Variants in FYN observed in about 807,000 individuals in gnomAD.
FYN encodes the protein FYN proto-oncogene, Src family tyrosine kinase, also known as tyrosine-protein kinase Fyn.
In FYN, 10 loss-of-function variants were observed where a neutral mutation model predicts 70.2. The ratio of observed to expected loss-of-function variants is 0.14; its 90% CI spans 0.09 to 0.24. FYN has a LOEUF of 0.24. FYN is among the 10% of genes least tolerant of loss of function. The pLI is 1.00. For missense variants in FYN, 319 were observed against 673.1 expected (o/e 0.47, Z 5.82); for synonymous variants, 236 against 248.6 (o/e 0.95, Z 0.48).
chr6:111,673,622 GTTTT>G (rs71021858), intron 13 of FYN, among the ~76,000 whole-genome samples: 8 of 116,556 alleles, frequency 6.9e-5, no homozygotes, highest in African/African-American at 2.2e-4. Context: ...TTCTATCATT[GTTTT>G]TTTTTTTTTT....
At chr6:111,837,532 G>A (rs963769904) in intron 2 of FYN, among the ~76,000 whole-genome samples, 3 of 152,126 alleles carry the variant, frequency 2.0e-5, no homozygotes, top group African/African-American at 7.2e-5. Flanking sequence ...TCCACTCGAC[G>A]TCAAAGTTGG....
chr6:111,787,765 C>T (rs1244122597), intron 2 of FYN, among the ~76,000 whole-genome samples: 1 of 152,152 alleles, frequency 6.6e-6, no homozygotes, highest in Non-Finnish European at 1.5e-5. Flanking sequence ...ATGAGAGGAG[C>T]TACTCTCTCC....
intron 12 of FYN, among the ~76,000 whole-genome samples, chr6:111,684,682 G>A (rs1006072149): frequency 1.3e-5 from 2 of 152,160 alleles, no homozygotes; most frequent in African/African-American, 4.8e-5. Flanking sequence ...CACCCTCCTT[G>A]CAACGGTGAC....
At chr6:111,869,504 C>T (rs1202249962) in intron 1 of FYN, among the ~76,000 whole-genome samples, 3 of 152,234 alleles carry the variant, frequency 2.0e-5, no homozygotes, top group Admixed American at 2.0e-4. Flanking sequence ...GATCCTCCCA[C>T]CTCAGCCTCT....
chr6:111,752,797 C>G (rs947337763), intron 3 of FYN, among the ~76,000 whole-genome samples: 2 of 152,102 alleles, frequency 1.3e-5, no homozygotes, highest in African/African-American at 2.4e-5. Context: ...ACAAAAGCAC[C>G]TGAAAGATGC....
chr6:111,682,225 A>G (rs944287020), intron 12 of FYN, among the ~76,000 whole-genome samples: 14 of 152,204 alleles, frequency 9.2e-5, no homozygotes, highest in Admixed American at 1.3e-4. Context: ...CAGTGGTGTA[A>G]TAAACTAATA....
intron 2 of FYN, among the ~76,000 whole-genome samples, chr6:111,781,746 A>G (rs1488527094): frequency 2.6e-5 from 4 of 152,190 alleles, no homozygotes; most frequent in Non-Finnish European, 4.4e-5. Flanking sequence ...TGATGTTTAC[A>G]AATGCTTGAA....
chr6:111,683,475 G>T (rs1331790022), intron 12 of FYN, among the ~76,000 whole-genome samples: 1 of 152,166 alleles, frequency 6.6e-6, no homozygotes, highest in African/African-American at 2.4e-5. Context: ...TAAAAAACTA[G>T]GCCAAGGTGG....
intron 3 of FYN, among the ~76,000 whole-genome samples, chr6:111,728,971 T>G (rs1474871331): frequency 6.6e-6 from 1 of 152,152 alleles, no homozygotes; most frequent in African/African-American, 2.4e-5. Context: ...GGGAGAATAT[T>G]GCCTTTGGTA....
intron 3 of FYN, among the ~76,000 whole-genome samples, chr6:111,755,121 G>A (rs1802666308): frequency 6.6e-6 from 1 of 152,036 alleles, no homozygotes; most frequent in Non-Finnish European, 1.5e-5. Flanking sequence ...ATACTGGCTG[G>A]ACTAGATGAG....
At position 111,670,669 on chromosome 6, in the gene FYN, A is replaced by T. The variant is rs1171847216; in HGVS notation, c.1405+3830T>A. 2.0e-5 allele frequency among the ~76,000 whole-genome samples: 3 copies of T among 151,216 alleles called. No homozygotes were observed. The East Asian group carries it at 5.8e-4, about 29-fold the overall frequency. On this transcript the variant is annotated intron_variant, in intron 13 of 13. Transcript: ENST00000354650. Reference sequence around the variant, plus strand: ...GTTTTCTAGGATTTATCTGAAAGGCAAAGGGAAGCCGTGGACGTTTTTAAC... The same window carrying T: ...GTTTTCTAGGATTTATCTGAAAGGCTAAGGGAAGCCGTGGACGTTTTTAAC...
chr6:111,767,685 T>G (rs1416735837), intron 3 of FYN, among the ~76,000 whole-genome samples: 4 of 152,198 alleles, frequency 2.6e-5, no homozygotes, highest in Non-Finnish European at 5.9e-5. Flanking sequence ...CAGGCATGGG[T>G]CACCCTGCCT....
At chr6:111,705,767 T>A (rs552208785) in intron 6 of FYN, among the ~76,000 whole-genome samples, 24 of 152,114 alleles carry the variant, frequency 1.6e-4, no homozygotes, top group Non-Finnish European at 3.2e-4. Context: ...GAGAATTGCT[T>A]GAACCAGGGA....
At chr6:111,714,483 A>T (rs1336428782) in intron 4 of FYN, 40 bp from the exon 5 acceptor site, 1 of 1,359,640 alleles carries the variant, frequency 7.4e-7, no homozygotes, top group Non-Finnish European at 1.1e-6. Context: ...ATTATTACAC[A>T]AGGGGAAATT....
At chr6:111,766,769 G>A (rs1437231109) in intron 3 of FYN, among the ~76,000 whole-genome samples, 5 of 152,116 alleles carry the variant, frequency 3.3e-5, no homozygotes, top group South Asian at 4.1e-4. Flanking sequence ...ACAGCAGCAC[G>A]GGGGTAACTG....
chr6:111,751,198 C>T (rs938880727), intron 3 of FYN, among the ~76,000 whole-genome samples: 3 of 152,168 alleles, frequency 2.0e-5, no homozygotes, highest in African/African-American at 7.2e-5. Context: ...ACATAACACG[C>T]ATTAGTCCAT....
At chr6:111,763,882 T>C (rs1238464378) in intron 3 of FYN, among the ~76,000 whole-genome samples, 2 of 152,144 alleles carry the variant, frequency 1.3e-5, no homozygotes, top group African/African-American at 2.4e-5. Context: ...TGGGTAACAA[T>C]GCCTATGGGT....
chr6:111,719,683 G>T, intron 4 of FYN, 122 bp downstream of exon 4: 2 of 1,116,896 alleles, frequency 1.8e-6, no homozygotes, highest in Non-Finnish European at 2.6e-6. Flanking sequence ...AGAGGAGACA[G>T]ATTAGAAACT....
chr6:111,856,534 A>T (rs979563951), intron 1 of FYN, among the ~76,000 whole-genome samples: 4 of 152,146 alleles, frequency 2.6e-5, no homozygotes, highest in South Asian at 2.1e-4. Context: ...AAGATTTTTT[A>T]AATTTAATCT....
Sources: gnomAD v4.1 joint callset for allele counts (sites outside exome capture counted in the v4.1 genomes callset) on GRCh38, gnomAD v4.1.1 for gene constraint, MANE v1.5 for transcripts, NCBI Gene and HGNC (gene_info 2026-07-23, HGNC 2026-07-21) for gene names.